The following SPOCK1 variants were observed in gnomAD, a reference collection of about 807,000 sequenced individuals.
SPOCK1 encodes the protein testican-1.
In SPOCK1, 23 loss-of-function variants were observed where a neutral mutation model predicts 55.3. The ratio of observed to expected loss-of-function variants is 0.42; its 90% CI spans 0.30 to 0.59. The LOEUF is 0.59. Among genes scored for constraint, SPOCK1 ranks in the 20% least tolerant of loss-of-function variants. SPOCK1 has a pLI of 0.22. For synonymous variants in SPOCK1, 226 were observed against 221.0 expected (o/e 1.02, Z -0.20); for missense variants, 499 against 552.5 (o/e 0.90, Z 0.97).
At position 137,498,480 on chromosome 5, in the gene SPOCK1, G is replaced by T; in HGVS notation, c.79C>A (p.Leu27Ile). ...TGGTTGGGGCCCGCGCCTCCGGCGA[G>T]CGCGTCCAGGTGCCGGCTCTCGACT... ...LQVESRHLDALAGGAGPNHGN... is the reference protein window; with the variant it reads ...LQVESRHLDAIAGGAGPNHGN... Residue 27 changes from leucine to isoleucine, a missense_variant, in exon 2 of 11, where the codon CTC becomes ATC. Leu to Ile is a conservative substitution (Grantham distance 5). Transcript: ENST00000394945. 1 of 1,600,046 alleles carries T rather than the reference G, an allele frequency of 6.2e-7. No individual in the cohort carries two copies.
chr5:137,046,484 G>A (rs931039205), intron 6 of SPOCK1, among the ~76,000 whole-genome samples: 4 of 151,648 alleles, frequency 2.6e-5, no homozygotes, highest in African/African-American at 4.8e-5. Flanking sequence ...TTGTACATTG[G>A]TTTTGTATCC....
intron 5 of SPOCK1, among the ~76,000 whole-genome samples, chr5:137,082,520 A>G (rs961105852): frequency 6.6e-5 from 10 of 152,200 alleles, no homozygotes; most frequent in African/African-American, 2.4e-4. Context: ...GCATTCAGGG[A>G]CAAGACACCT....
At chr5:137,243,875 T>A (rs1048784130) in intron 3 of SPOCK1, among the ~76,000 whole-genome samples, 2 of 152,122 alleles carry the variant, frequency 1.3e-5, no homozygotes, top group African/African-American at 4.8e-5. Context: ...TTCCGCGGAC[T>A]TGCATTAACA....
chr5:137,159,013 A>G (rs949674567), intron 3 of SPOCK1, among the ~76,000 whole-genome samples: 1 of 152,102 alleles, frequency 6.6e-6, no homozygotes, highest in Non-Finnish European at 1.5e-5. Flanking sequence ...CTAAATGATC[A>G]CGTATACCTG....
At position 137,310,218 on chromosome 5, in the gene SPOCK1, C is replaced by A. The variant is rs372316780; in HGVS notation, c.187-43163G>T. On this transcript the variant is annotated intron_variant, in intron 2 of 10. Transcript: ENST00000394945. ...AGGATTAAATGAGAAAACGTAGGCG[C>A]AAAGTGCTTAACACAGCTCCCAGCA... Among the ~76,000 whole-genome samples, 12 of 151,894 alleles carry A rather than the reference C, an allele frequency of 7.9e-5. No homozygotes were observed. The East Asian group carries it at 9.7e-4, about 12-fold the overall frequency.
rs892882862 is a variant in SPOCK1, at chr5:136,977,732, C to A, written c.*922G>T. On this transcript the variant is annotated 3_prime_UTR_variant, in exon 11 of 11. Transcript: ENST00000394945. ...GCTTCTGCGAGAAAAGTGATTTAGG[C>A]AGACGGAGGTTTTTTCTCAATCAGA... 2.5e-6 allele frequency: 1 copy of A among 398,866 alleles called. No homozygotes were observed. Among genetic ancestry groups the A allele is most frequent in the Non-Finnish European group, 4.4e-6 (1 of 226,018 alleles). The allele number at this position is 398,866 out of a possible 1,614,324, so 24.7% of individuals were successfully genotyped here. A position where few individuals can be genotyped will look rare whatever the true frequency, so the allele number is the denominator to read the frequency against.
chr5:137,413,365 A>G (rs1172285127), intron 2 of SPOCK1, among the ~76,000 whole-genome samples: 1 of 152,246 alleles, frequency 6.6e-6, no homozygotes, highest in African/African-American at 2.4e-5. Context: ...ACAAAAAACC[A>G]CACATGCACC....
chr5:137,227,838 C>T (rs1755974111), intron 3 of SPOCK1, among the ~76,000 whole-genome samples: 1 of 152,170 alleles, frequency 6.6e-6, no homozygotes. Context: ...CTCTTAGACC[C>T]TTCCCTCCTC....
chr5:137,497,390 T>C (rs888128628), intron 2 of SPOCK1, among the ~76,000 whole-genome samples: 3 of 152,258 alleles, frequency 2.0e-5, no homozygotes, highest in Non-Finnish European at 4.4e-5. Flanking sequence ...TGTTATGCCT[T>C]GGGCACTTTT....
At chr5:137,155,725 T>C (rs1754403755) in intron 3 of SPOCK1, among the ~76,000 whole-genome samples, 1 of 152,220 alleles carries the variant, frequency 6.6e-6, no homozygotes, top group Non-Finnish European at 1.5e-5. Flanking sequence ...ATCCATTTCA[T>C]GGACAATCGT....
chr5:137,067,010 A>AGAGAGAGAGAGAGAG (rs1561596971), intron 6 of SPOCK1, among the ~76,000 whole-genome samples: 2 of 151,450 alleles, frequency 1.3e-5, no homozygotes, highest in Non-Finnish European at 1.5e-5. Flanking sequence ...AGAGAGAGAG[A>AGAGAGAGAGAGAGAG]AATGCAACAA....
chr5:137,089,314 T>C (rs1308063834), intron 5 of SPOCK1, among the ~76,000 whole-genome samples: 2 of 152,244 alleles, frequency 1.3e-5, no homozygotes, highest in Non-Finnish European at 2.9e-5. Context: ...ATTTTCTGGT[T>C]AGTCCTTCTA....
At chr5:137,143,619 T>A (rs1754139750) in intron 3 of SPOCK1, among the ~76,000 whole-genome samples, 1 of 152,226 alleles carries the variant, frequency 6.6e-6, no homozygotes, top group Non-Finnish European at 1.5e-5. Flanking sequence ...CTGTAAGTAC[T>A]TAGACCTGGA....
At chr5:137,030,240 C>T (rs951485568) in intron 6 of SPOCK1, among the ~76,000 whole-genome samples, 2 of 152,252 alleles carry the variant, frequency 1.3e-5, no homozygotes, top group Admixed American at 1.3e-4. Context: ...TAGCTCTTGG[C>T]CCTACGGCCA....
At chr5:137,266,811 A>C (rs1756860733) in intron 3 of SPOCK1, among the ~76,000 whole-genome samples, 199 bp downstream of exon 3, 1 of 152,202 alleles carries the variant, frequency 6.6e-6, no homozygotes, top group African/African-American at 2.4e-5. Flanking sequence ...AAATTGTTTA[A>C]ATCAGCCCTA....
At chr5:137,445,343 T>C (rs915857929) in intron 2 of SPOCK1, among the ~76,000 whole-genome samples, 1 of 152,222 alleles carries the variant, frequency 6.6e-6, no homozygotes, top group Non-Finnish European at 1.5e-5. Context: ...GGAAGCTGCA[T>C]TTTATTTGTG....
At chr5:137,024,300 T>C (rs1276531952) in intron 6 of SPOCK1, among the ~76,000 whole-genome samples, 2 of 92,694 alleles carry the variant, frequency 2.2e-5, no homozygotes, top group East Asian at 6.3e-4. Flanking sequence ...AAGCACTAAA[T>C]TGCACCAGTT....
chr5:137,287,857 C>T (rs926174345), intron 2 of SPOCK1, among the ~76,000 whole-genome samples: 9 of 152,090 alleles, frequency 5.9e-5, no homozygotes, highest in South Asian at 2.1e-4. Context: ...GCGGTACCTA[C>T]ATGGGGAGAG....
intron 2 of SPOCK1, among the ~76,000 whole-genome samples, chr5:137,494,458 C>G (rs1429716277): frequency 6.6e-6 from 1 of 152,174 alleles, no homozygotes; most frequent in Non-Finnish European, 1.5e-5. Flanking sequence ...GATCAAAAGA[C>G]TTAACCTCCC....
Sources: gnomAD v4.1 joint callset for allele counts (sites outside exome capture counted in the v4.1 genomes callset) on GRCh38, gnomAD v4.1.1 for gene constraint, MANE v1.5 for transcripts, NCBI Gene and HGNC (gene_info 2026-07-23, HGNC 2026-07-21) for gene names.